ABCC5: variants seen among roughly 807,000 people sequenced by gnomAD.
The protein encoded by ABCC5 is ATP-binding cassette sub-family C member 5.
In ABCC5, 61 loss-of-function variants were observed where a neutral mutation model predicts 160.9. The ratio of observed to expected loss-of-function variants is 0.38; its 90% CI spans 0.31 to 0.47. The LOEUF (loss-of-function observed/expected upper bound fraction) is 0.47, where lower values mean the gene tolerates loss of function less well. Ranked by LOEUF, ABCC5 falls within the 20% of genes least tolerant of loss-of-function variation. ABCC5 has a pLI of 0.99. For missense variants in ABCC5, 1,308 were observed against 1,813.3 expected (o/e 0.72, Z 5.06); for synonymous variants, 666 against 700.6 (o/e 0.95, Z 0.78).
chr3:184,014,215 T>G (rs1315561785), intron 2 of ABCC5, 49 bp downstream of exon 2: 5 of 1,542,424 alleles, frequency 3.2e-6, no homozygotes, highest in Non-Finnish European at 4.4e-6. Flanking sequence ...AAAAAAGATG[T>G]GTTTTAGTAC....
intron 26 of ABCC5, 44 bp downstream of exon 26, chr3:183,937,857 G>A (rs1344329476): frequency 1.2e-6 from 2 of 1,604,270 alleles, no homozygotes; most frequent in Non-Finnish European, 1.7e-6. Flanking sequence ...TGCTCATCTG[G>A]CCTCTAAGTG....
intron 23 of ABCC5, 89 bp from the exon 24 acceptor site, chr3:183,946,028 A>G: frequency 1.7e-6 from 2 of 1,208,540 alleles, no homozygotes; most frequent in Non-Finnish European, 2.5e-6. Flanking sequence ...CTAGAGGACT[A>G]CTAAGAACTG....
In ABCC5 at chr3:183,987,735, C is replaced by A; in HGVS notation, c.591+35G>T. On this transcript the variant is annotated intron_variant, in intron 5 of 29. Coordinates refer to ENST00000334444, the MANE Select transcript of ABCC5 (RefSeq NM_005688.4). The surrounding 1 kb of genome is among the most constrained non-coding windows in gnomAD (Gnocchi z 4.2). ...TGTTAGAGCTGGCCGTGGCCGGGCC[C>A]CTGGAGACTGTCGGAAAGGATGGTT... 1 of 1,613,992 alleles carries A rather than the reference C, an allele frequency of 6.2e-7. No homozygotes were observed. The highest frequency in any genetic ancestry group is 8.5e-7 in the Non-Finnish European group (1 of 1,179,972).
chr3:183,966,576 T>C (rs1717234317), intron 12 of ABCC5, among the ~76,000 whole-genome samples: 1 of 152,152 alleles, frequency 6.6e-6, no homozygotes, highest in African/African-American at 2.4e-5. Context: ...CACTTACGAA[T>C]TGACCTTTTC....
In ABCC5 at chr3:183,987,914, T is replaced by C; in HGVS notation, c.447A>G (p.Leu149=). The C allele has an allele frequency of 6.2e-7, 1 of 1,613,984 alleles. No homozygotes were observed. Among genetic ancestry groups the C allele is most frequent in the Non-Finnish European group, 8.5e-7 (1 of 1,180,000 alleles). ...TCAGCTCTTCTTGCCACAGTCTCTC[T>C]AGTCTTAACAAGGGCACACGTCCTC... The part of the protein sequence containing the change: ...HESSDVNCRR[L]ERLWQEELNE... Residue 149 remains leucine, a synonymous_variant, in exon 5 of 30, where the codon CTA becomes CTG. Coordinates refer to ENST00000334444, the MANE Select transcript of ABCC5 (RefSeq NM_005688.4). The surrounding 1 kb of genome is among the most constrained non-coding windows in gnomAD (Gnocchi z 4.2).
Position 183,947,500 on chromosome 3 carries a change from G to C in ABCC5, c.3238C>G (p.Leu1080Val). The C allele has an allele frequency of 6.3e-7, 1 of 1,596,824 alleles. No individual in the cohort carries two copies. Among genetic ancestry groups the C allele is most frequent in the Non-Finnish European group, 8.6e-7 (1 of 1,168,954 alleles). Residue 1080 changes from leucine to valine, a missense_variant, in exon 23 of 30, where the codon CTG (leucine) becomes GTG (valine). Physicochemically the swap from Leu to Val is conservative, Grantham distance 32 (BLOSUM62 1). Coordinates refer to ENST00000334444, the MANE Select transcript of ABCC5 (RefSeq NM_005688.4). ...AAAGGAGCTTGGTTGTCATCCAGCA[G>C]CTCCTGGTATCTGTGAGAAAGACAA... ...GQEFLHRYQE[L>V]LDDNQAPFFL...
intron 23 of ABCC5, 65 bp from the exon 24 acceptor site, chr3:183,946,004 A>G: frequency 6.9e-7 from 1 of 1,440,112 alleles, no homozygotes; most frequent in Non-Finnish European, 9.8e-7. Flanking sequence ...CCAATGCTGG[A>G]GAACTTCCTT....
At chr3:183,989,485 T>A in intron 2 of ABCC5, 102 bp from the exon 3 acceptor site, 1 of 1,252,268 alleles carries the variant, frequency 8.0e-7, no homozygotes, top group Non-Finnish European at 1.1e-6. Context: ...GGACTCATCT[T>A]AACTGAGAAA....
At chr3:183,937,412 C>T (rs958876857) in intron 26 of ABCC5, among the ~76,000 whole-genome samples, 1 of 152,090 alleles carries the variant, frequency 6.6e-6, no homozygotes, top group Non-Finnish European at 1.5e-5. Flanking sequence ...ACTTTCAGCG[C>T]ACCTAGGAGA....
At chr3:183,989,410 A>C (rs1163215820) in intron 2 of ABCC5, 27 bp from the exon 3 acceptor site, 1 of 1,612,550 alleles carries the variant, frequency 6.2e-7, no homozygotes, top group African/African-American at 1.3e-5. Flanking sequence ...GGAGAAAGGC[A>C]AGAGCACAGT....
At position 183,950,055 on chromosome 3, in the gene ABCC5, T is replaced by C; in HGVS notation, c.3015A>G (p.Gly1005=). ...ACCACGGGAAGACTCCTGCGATCATTCCCACACAGAAGAACACCAGGATAA... is the reference window on the plus strand; with the variant it reads ...ACCACGGGAAGACTCCTGCGATCATCCCCACACAGAAGAACACCAGGATAA... ...QNVILVFFCV[G]MIAGVFPWFL... Residue 1005 remains glycine, a synonymous_variant, in exon 21 of 30, where the codon GGA becomes GGG. Transcript: ENST00000334444. 6.2e-7 allele frequency: 1 copy of C among 1,613,934 alleles called. No homozygotes were observed. Among genetic ancestry groups the C allele is most frequent in the Non-Finnish European group, 8.5e-7 (1 of 1,179,996 alleles).
chr3:183,943,022 G>A, intron 24 of ABCC5, 106 bp from the exon 25 acceptor site: 5 of 1,139,094 alleles, frequency 4.4e-6, no homozygotes, highest in Non-Finnish European at 5.0e-6. Context: ...GCCACACAGA[G>A]GTAGCTGCCA....
rs755889816 is a variant in ABCC5, at chr3:183,949,902, G to A, written c.3099-21C>T. 16 of 1,614,116 alleles carry A rather than the reference G, an allele frequency of 9.9e-6. No individual in the cohort carries two copies. Among genetic ancestry groups the A allele is most frequent in the Admixed American group, 3.3e-5 (2 of 60,008 alleles). The stretch of plus-strand genomic sequence containing the variant: ...GGACCCTGGAGAGAGAATGAGCTCC[G>A]TGTCACAGCACCTACCCAGCAACTG... On this transcript the variant is annotated intron_variant, in intron 21 of 29. Transcript: ENST00000334444. The surrounding 1 kb of genome is among the most constrained non-coding windows in gnomAD (Gnocchi z 4.2).
At chr3:183,975,349 T>TC (rs1718119954) in intron 10 of ABCC5, among the ~76,000 whole-genome samples, 2 of 151,704 alleles carry the variant, frequency 1.3e-5, no homozygotes, top group African/African-American at 4.8e-5. Flanking sequence ...ACTCGTTATC[T>TC]TTTTTTTTCT....
At position 183,933,527 on chromosome 3, in the gene ABCC5, T is replaced by TA. The variant is rs144619206; in HGVS notation, c.3854+4373dup. Among the ~76,000 whole-genome samples, 795 of 152,176 alleles carry TA rather than the reference T, an allele frequency of 5.2e-3. 5 individuals carry two copies. Among genetic ancestry groups the TA allele is most frequent in the Non-Finnish European group, 8.4e-3 (571 of 68,008 alleles). ...GAGACAGAGGCCAGCAAAAGTGTTT[T>TA]AAGGCCTGGATGAAAAGGGGCCTCT... On this transcript the variant is annotated intron_variant, in intron 26 of 29. Transcript: ENST00000334444.
At chr3:183,925,413 C>A in intron 29 of ABCC5, 142 bp downstream of exon 29, 2 of 768,944 alleles carry the variant, frequency 2.6e-6, no homozygotes, top group South Asian at 2.2e-5. Flanking sequence ...GGCTGTATCC[C>A]TCCCAATAGC....
chr3:183,923,723 C>T (rs909455537), intron 29 of ABCC5, among the ~76,000 whole-genome samples: 3 of 152,174 alleles, frequency 2.0e-5, no homozygotes, highest in African/African-American at 7.2e-5. Flanking sequence ...AGTAGCTCAA[C>T]GTATCTTATG....
intron 2 of ABCC5, among the ~76,000 whole-genome samples, chr3:183,992,703 G>C (rs372624044): frequency 6.6e-6 from 1 of 152,036 alleles, no homozygotes; most frequent in African/African-American, 2.4e-5. Context: ...GCAGGAGAAC[G>C]GTGTGAACCT....
At chr3:183,985,088 T>G in intron 5 of ABCC5, 2 of 657,166 alleles carry the variant, frequency 3.0e-6, no homozygotes, top group South Asian at 4.0e-5. Context: ...TTAAAGAAGT[T>G]CCAACACATC....
Sources: allele counts gnomAD v4.1 joint callset (sites outside exome capture counted in the v4.1 genomes callset), GRCh38; gene constraint gnomAD v4.1.1; non-coding constraint Gnocchi (gnomAD v3.1); transcripts MANE v1.5; gene names NCBI Gene and HGNC (gene_info 2026-07-23, HGNC 2026-07-21).